Variants in FRMPD2 observed in about 807,000 individuals in gnomAD.
FRMPD2 encodes the protein FERM and PDZ domain-containing protein 2.
Under a neutral mutation model 140.1 loss-of-function variants are expected in FRMPD2, and 96 were observed. The ratio of observed to expected loss-of-function variants is 0.69; its 90% CI spans 0.58 to 0.81. The LOEUF is 0.81. FRMPD2 is among the 40% of genes least tolerant of loss of function. The probability of loss-of-function intolerance (pLI) is 0.00; values close to 1 mark genes in which losing one functional copy is unlikely to be tolerated. For synonymous variants in FRMPD2, 449 were observed against 547.6 expected (o/e 0.82, Z 2.52); for missense variants, 1,240 against 1,447.4 (o/e 0.86, Z 2.32).
intron 10 of FRMPD2, among the ~76,000 whole-genome samples, chr10:48,225,292 G>A (rs555820708): frequency 6.6e-6 from 1 of 152,310 alleles, no homozygotes; most frequent in Admixed American, 6.5e-5. Flanking sequence ...AGGCCATGAG[G>A]GAGGGGCACT....
At chr10:48,267,397 C>G (rs1208098121) in intron 1 of FRMPD2, among the ~76,000 whole-genome samples, 1 of 152,174 alleles carries the variant, frequency 6.6e-6, no homozygotes, top group African/African-American at 2.4e-5. Context: ...GTGGGCTCAA[C>G]AGCAGAATGG....
Position 48,201,328 on chromosome 10 carries a change from T to C in FRMPD2, c.1854A>G (p.Thr618=). The C allele has an allele frequency of 6.2e-7, 1 of 1,613,940 alleles. No homozygotes were observed. Among genetic ancestry groups the C allele is most frequent in the Non-Finnish European group, 8.5e-7 (1 of 1,179,816 alleles). The change falls in exon 15 of 29, where the codon ACA becomes ACG. Residue 618 remains threonine, a synonymous_variant. Transcript: ENST00000374201. The part of the protein sequence containing the change: ...SVTGKKHTFV[T]DSAKTSKYLL... ...AGTATTTACTGGTCTTGGCTGAATC[T>C]GTGACAAATGTGTGCTTCTTCCCAG...
intron 15 of FRMPD2, among the ~76,000 whole-genome samples, chr10:48,196,568 G>A (rs1838956272): frequency 6.6e-6 from 1 of 152,188 alleles, no homozygotes; most frequent in Admixed American, 6.5e-5. Flanking sequence ...GAGGCTGGGT[G>A]ACCACCTTTG....
chr10:48,273,212 C>T (rs1203218458), intron 1 of FRMPD2, among the ~76,000 whole-genome samples: 2 of 152,114 alleles, frequency 1.3e-5, no homozygotes, highest in Non-Finnish European at 2.9e-5. Context: ...TAGGTTAGGC[C>T]ATCTGTCATC....
chr10:48,189,131 A>T (rs946588096), intron 16 of FRMPD2, among the ~76,000 whole-genome samples: 2 of 152,168 alleles, frequency 1.3e-5, no homozygotes, highest in Non-Finnish European at 2.9e-5. Context: ...CGTGAACTTT[A>T]AAAAAATCCA....
chr10:48,170,463 C>A (rs1294185648), intron 26 of FRMPD2, among the ~76,000 whole-genome samples: 1 of 152,146 alleles, frequency 6.6e-6, no homozygotes, highest in Admixed American at 6.5e-5. Context: ...ACAACATGCT[C>A]CCTTGAGCTT....
chr10:48,212,224 C>G, intron 12 of FRMPD2, 115 bp from the exon 13 acceptor site: 2 of 1,071,324 alleles, frequency 1.9e-6, no homozygotes, highest in Non-Finnish European at 2.7e-6. Context: ...GAGAAAGACA[C>G]TTCCTCGAGG....
intron 20 of FRMPD2, 59 bp downstream of exon 20, chr10:48,184,507 T>G: frequency 2.0e-6 from 2 of 1,020,422 alleles, no homozygotes; most frequent in Admixed American, 1.8e-5. Context: ...CTCACAGTAA[T>G]CATGTACTCC....
At position 48,198,426 on chromosome 10, in the gene FRMPD2, C is replaced by G. The variant is rs12249222; in HGVS notation, c.1954+2802G>C. 4.6e-5 allele frequency among the ~76,000 whole-genome samples: 7 copies of G among 151,976 alleles called. No individual in the cohort carries two copies. In the East Asian group the frequency reaches 1.2e-3, roughly 25 times the overall value. ...TAAATAACATTGAAAATTTAATCCCCCAGTTCTTTTTGCCACCTTTGAAGT... is the reference window on the plus strand; with the variant it reads ...TAAATAACATTGAAAATTTAATCCCGCAGTTCTTTTTGCCACCTTTGAAGT... On this transcript the variant is annotated intron_variant, in intron 15 of 28. Transcript: ENST00000374201.
At chr10:48,216,728 T>C (rs1564428228) in intron 12 of FRMPD2, among the ~76,000 whole-genome samples, 1 of 152,214 alleles carries the variant, frequency 6.6e-6, no homozygotes, top group African/African-American at 2.4e-5. Context: ...AGATTGATGA[T>C]TATTTTCCAT....
intron 10 of FRMPD2, among the ~76,000 whole-genome samples, chr10:48,224,306 A>G (rs929025473): frequency 2.0e-5 from 3 of 152,058 alleles, no homozygotes; most frequent in Admixed American, 6.5e-5. Flanking sequence ...CACACACTCA[A>G]AGTGGCTCCT....
Position 48,159,503 on chromosome 10 carries a change from T to G in FRMPD2, c.3882-2133A>C, listed in dbSNP as rs565075100. Among the ~76,000 whole-genome samples, 5 of 151,814 alleles carry G rather than the reference T, an allele frequency of 3.3e-5. No homozygotes were observed. The East Asian group carries it at 9.7e-4, about 29-fold the overall frequency. The stretch of plus-strand genomic sequence containing the variant: ...CCAACCCAAGAGCAGGCATGACATC[T>G]CCCTCACCTGGCAACTGCATCCCTC... On this transcript the variant is annotated intron_variant, in intron 28 of 28. Coordinates refer to ENST00000374201, the MANE Select transcript of FRMPD2 (RefSeq NM_001018071.4).
At chr10:48,171,401 T>C (rs1276026421) in intron 25 of FRMPD2, among the ~76,000 whole-genome samples, 193 bp from the exon 26 acceptor site, 5 of 151,858 alleles carry the variant, frequency 3.3e-5, no homozygotes, top group Admixed American at 6.6e-5. Context: ...ATGTGAGCTA[T>C]AAATACAAAC....
At chr10:48,217,514 G>T (rs1342983697) in intron 12 of FRMPD2, among the ~76,000 whole-genome samples, 1 of 152,106 alleles carries the variant, frequency 6.6e-6, no homozygotes, top group African/African-American at 2.4e-5. Context: ...GTAACCAATT[G>T]GTGAGCTATG....
At position 48,175,444 on chromosome 10, in the gene FRMPD2, C is replaced by T. The variant is rs371165667; in HGVS notation, c.2989+402G>A. On this transcript the variant is annotated intron_variant, in intron 23 of 28. Coordinates refer to ENST00000374201, the MANE Select transcript of FRMPD2 (RefSeq NM_001018071.4). ...TTTTGGAGACCAGTAAAAATCACCC[C>T]CTTCCATCAGAGAAGTGGGAGCTGA... 8.0e-4 allele frequency among the ~76,000 whole-genome samples: 121 copies of T among 152,072 alleles called. 2 individuals carry two copies. In the South Asian group the frequency reaches 0.013, roughly 16 times the overall value.
intron 18 of FRMPD2, 102 bp from the exon 19 acceptor site, chr10:48,184,983 A>G: frequency 2.6e-6 from 2 of 760,084 alleles, no homozygotes; most frequent in Middle Eastern, 2.5e-4. Context: ...ACCAAGTGGC[A>G]TTAGCTGATA....
intron 13 of FRMPD2, among the ~76,000 whole-genome samples, chr10:48,209,832 G>T (rs1839278607): frequency 6.6e-6 from 1 of 152,162 alleles, no homozygotes; most frequent in South Asian, 2.1e-4. Flanking sequence ...CCTCAGTATT[G>T]TTTTAAATAG....
chr10:48,216,377 G>A (rs1172896856), intron 12 of FRMPD2, among the ~76,000 whole-genome samples: 2 of 152,098 alleles, frequency 1.3e-5, no homozygotes, highest in Non-Finnish European at 2.9e-5. Context: ...AGAGAACCTA[G>A]ACTATTATAG....
chr10:48,211,232 T>G lies in FRMPD2; in HGVS notation c.1611+722A>C, dbSNP rs376870396. Among the ~76,000 whole-genome samples, 6 of 152,234 alleles carry G rather than the reference T, an allele frequency of 3.9e-5. No individual in the cohort carries two copies. In the South Asian group the frequency reaches 1.2e-3, roughly 32 times the overall value. On this transcript the variant is annotated intron_variant, in intron 13 of 28. Transcript: ENST00000374201. ...TGGAGTAGCAAAGACTATTCATCAT[T>G]GTGTGTGCCCACACGGGGAGACTGC... is the stretch of plus-strand genomic sequence containing the variant.
Sources: gnomAD v4.1 joint callset for allele counts (sites outside exome capture counted in the v4.1 genomes callset) on GRCh38, gnomAD v4.1.1 for gene constraint, MANE v1.5 for transcripts, NCBI Gene and HGNC (gene_info 2026-07-23, HGNC 2026-07-21) for gene names.